KCNC2: variants seen among roughly 807,000 people sequenced by gnomAD.
KCNC2 encodes potassium voltage-gated channel subfamily C member 2, also known as voltage-gated potassium channel KCNC2.
In KCNC2, 21 loss-of-function variants were observed where a neutral mutation model predicts 44.5. That is an observed-to-expected ratio of 0.47 (90% CI 0.33 to 0.68). KCNC2 has a LOEUF of 0.68. KCNC2 is among the 30% of genes least tolerant of loss of function. KCNC2 has a pLI of 0.01. For synonymous variants in KCNC2, 391 were observed against 339.1 expected (o/e 1.15, Z -1.68); for missense variants, 589 against 826.2 (o/e 0.71, Z 3.52).
At chr12:75,153,094 A>T (rs1168356689) in intron 2 of KCNC2, among the ~76,000 whole-genome samples, 4 of 152,006 alleles carry the variant, frequency 2.6e-5, no homozygotes, top group Admixed American at 6.6e-5. Context: ...TTACTTAGTT[A>T]ACTTAAAGTC....
intron 2 of KCNC2, among the ~76,000 whole-genome samples, chr12:75,062,206 C>A (rs1326123359): frequency 6.6e-6 from 1 of 152,026 alleles, no homozygotes; most frequent in South Asian, 2.1e-4. Context: ...TTATAACATA[C>A]ATGTCTTCTC....
At chr12:75,093,116 T>C (rs554986004) in intron 2 of KCNC2, among the ~76,000 whole-genome samples, 38 of 151,596 alleles carry the variant, frequency 2.5e-4, no homozygotes, top group African/African-American at 8.4e-4. Flanking sequence ...AGTGCAGCTA[T>C]TGAAATTTTT....
intron 2 of KCNC2, among the ~76,000 whole-genome samples, chr12:75,110,872 C>T (rs891840058): frequency 1.3e-5 from 2 of 152,020 alleles, no homozygotes; most frequent in African/African-American, 4.8e-5. Flanking sequence ...GGCTATGACC[C>T]CTCTGCCATA....
intron 2 of KCNC2, among the ~76,000 whole-genome samples, chr12:75,119,456 ATAT>A (rs1887899931): frequency 6.6e-6 from 1 of 152,296 alleles, no homozygotes; most frequent in African/African-American, 2.4e-5. Context: ...CTGTAATATA[ATAT>A]TATAATAATT....
intron 2 of KCNC2, among the ~76,000 whole-genome samples, chr12:75,170,753 A>G (rs940076797): frequency 4.0e-5 from 6 of 151,724 alleles, no homozygotes; most frequent in Admixed American, 6.6e-5. Context: ...TTTTGTCAAC[A>G]GCTCCCATAT....
At chr12:75,174,665 C>T (rs1235508331) in intron 2 of KCNC2, among the ~76,000 whole-genome samples, 1 of 151,844 alleles carries the variant, frequency 6.6e-6, no homozygotes, top group East Asian at 1.9e-4. Context: ...AAAGTCCTTC[C>T]ATTCCCCAAC....
At chr12:75,062,971 T>A (rs1380686989) in intron 2 of KCNC2, among the ~76,000 whole-genome samples, 1 of 152,128 alleles carries the variant, frequency 6.6e-6, no homozygotes, top group Non-Finnish European at 1.5e-5. Flanking sequence ...TTTTAAAATA[T>A]GTGCTGAAAG....
At chr12:75,155,230 A>G (rs993476949) in intron 2 of KCNC2, among the ~76,000 whole-genome samples, 2 of 151,924 alleles carry the variant, frequency 1.3e-5, no homozygotes, top group Admixed American at 1.3e-4. Context: ...TTAGGGCCTG[A>G]TTTTATAAAC....
intron 2 of KCNC2, among the ~76,000 whole-genome samples, chr12:75,071,826 A>G (rs1883434919): frequency 6.6e-6 from 1 of 151,114 alleles, no homozygotes; most frequent in African/African-American, 2.4e-5. Context: ...AATCCCAGCT[A>G]CTGAGGAGGC....
intron 2 of KCNC2, among the ~76,000 whole-genome samples, chr12:75,188,997 T>TG (rs1231652410): frequency 6.6e-6 from 1 of 152,148 alleles, no homozygotes. Context: ...TCAAAATAAC[T>TG]GTTGAGAATA....
At chr12:75,074,830 T>C (rs916469672) in intron 2 of KCNC2, among the ~76,000 whole-genome samples, 1 of 152,198 alleles carries the variant, frequency 6.6e-6, no homozygotes, top group African/African-American at 2.4e-5. Flanking sequence ...AGTAAGTGAA[T>C]GCTATAACAG....
chr12:75,207,547 G>T lies in KCNC2; in HGVS notation c.437C>A (p.Thr146Asn), dbSNP rs558156492. 1.9e-6 allele frequency: 3 copies of T among 1,612,208 alleles called. No individual in the cohort carries two copies. The South Asian group carries it at 3.3e-5, about 18-fold the overall frequency. The change falls in exon 2 of 5, where the codon ACC becomes AAC. Residue 146 changes from threonine to asparagine, a missense_variant. Thr to Asn is a moderately conservative substitution (Grantham distance 65, BLOSUM62 0). Transcript: ENST00000549446. This position sits in a 1 kb window ranked among gnomAD's most constrained non-coding sequence, Gnocchi z 4.1. The part of the protein sequence containing the change: ...EELAFWGIDE[T>N]DVEPCCWMTY... ...CATCCAGCAGCAGGGCTCCACGTCG[G>T]TCTCGTCGATGCCCCAGAAGGCCAG... is the stretch of plus-strand genomic sequence containing the variant.
At position 75,142,483 on chromosome 12, in the gene KCNC2, C is replaced by T. The variant is rs544650143; in HGVS notation, c.687+64814G>A. 7.9e-5 allele frequency among the ~76,000 whole-genome samples: 12 copies of T among 152,298 alleles called. No homozygotes were observed. The East Asian group carries it at 1.9e-3, about 24-fold the overall frequency. Reference sequence around the variant, plus strand: ...TATCATTGATTAAACAGGCACTCTACGTCCAATATAGCAAACTGCCTGCAA... The same window carrying T: ...TATCATTGATTAAACAGGCACTCTATGTCCAATATAGCAAACTGCCTGCAA... On this transcript the variant is annotated intron_variant, in intron 2 of 4. Transcript: ENST00000549446.
chr12:75,103,990 A>T (rs1039910257), intron 2 of KCNC2, among the ~76,000 whole-genome samples: 2 of 152,154 alleles, frequency 1.3e-5, no homozygotes, highest in African/African-American at 4.8e-5. Context: ...TGTGAGTGTT[A>T]GGCTACTATT....
At chr12:75,068,583 T>C (rs919332117) in intron 2 of KCNC2, among the ~76,000 whole-genome samples, 33 of 152,100 alleles carry the variant, frequency 2.2e-4, no homozygotes, top group African/African-American at 7.0e-4. Flanking sequence ...AGGTGTCTTA[T>C]TCCTATAGGA....
At chr12:75,197,220 G>C (rs563463144) in intron 2 of KCNC2, among the ~76,000 whole-genome samples, 59 of 152,080 alleles carry the variant, frequency 3.9e-4, no homozygotes, top group African/African-American at 1.3e-3. Flanking sequence ...CATCTAAGCA[G>C]GATATCTTAC....
At chr12:75,066,340 A>T (rs1262811546) in intron 2 of KCNC2, among the ~76,000 whole-genome samples, 1 of 152,178 alleles carries the variant, frequency 6.6e-6, no homozygotes, top group African/African-American at 2.4e-5. Context: ...AGTAATATTA[A>T]GGATTTCAAA....
At chr12:75,142,180 A>G (rs1456650632) in intron 2 of KCNC2, among the ~76,000 whole-genome samples, 1 of 152,204 alleles carries the variant, frequency 6.6e-6, no homozygotes, top group Non-Finnish European at 1.5e-5. Flanking sequence ...GCAGAGAAAG[A>G]TTAATAATTT....
chr12:75,083,356 T>G (rs961524543), intron 2 of KCNC2, among the ~76,000 whole-genome samples: 4 of 151,898 alleles, frequency 2.6e-5, no homozygotes, highest in Admixed American at 6.6e-5. Context: ...TTTCCAGATT[T>G]ACATAAAAAC....
Sources: allele counts gnomAD v4.1 joint callset (sites outside exome capture counted in the v4.1 genomes callset), GRCh38; gene constraint gnomAD v4.1.1; non-coding constraint Gnocchi (gnomAD v3.1); transcripts MANE v1.5; gene names NCBI Gene and HGNC (gene_info 2026-07-23, HGNC 2026-07-21).